Variants in LONP1 observed in about 807,000 individuals in gnomAD.
LONP1 encodes the protein lon protease homolog, mitochondrial.
Under a neutral mutation model 98.5 loss-of-function variants are expected in LONP1, and 31 were observed. That is an observed-to-expected ratio of 0.31 (90% CI 0.24 to 0.42). The LOEUF is 0.42. Among genes scored for constraint, LONP1 ranks in the 20% least tolerant of loss-of-function variants. The pLI is 1.00. For synonymous variants in LONP1, 781 were observed against 594.7 expected (o/e 1.31, Z -4.56); for missense variants, 1,336 against 1,350.6 (o/e 0.99, Z 0.17).
At chr19:5,695,813 G>T (rs1352460117) in intron 13 of LONP1, among the ~76,000 whole-genome samples, 1 of 152,178 alleles carries the variant, frequency 6.6e-6, no homozygotes, top group Non-Finnish European at 1.5e-5. Flanking sequence ...CAGAGTGTGT[G>T]GCCTGACGGT....
At chr19:5,719,569 G>A (rs1331628439) in intron 1 of LONP1, 135 bp downstream of exon 1, 17 of 1,498,368 alleles carry the variant, frequency 1.1e-5, no homozygotes, top group South Asian at 7.8e-5. Flanking sequence ...AGCAGACAAG[G>A]ATTCGAACTG....
At chr19:5,694,325 C>T in intron 15 of LONP1, 62 bp downstream of exon 15, 1 of 1,594,170 alleles carries the variant, frequency 6.3e-7, no homozygotes. Flanking sequence ...CAAGGTGGGA[C>T]CTGCTTGTTC....
intron 4 of LONP1, 134 bp from the exon 5 acceptor site, chr19:5,708,537 A>G (rs1034462259): frequency 7.9e-6 from 3 of 380,652 alleles, no homozygotes; most frequent in Non-Finnish European, 1.5e-5. Flanking sequence ...GGCCCTGGCC[A>G]CGGACGGCCT....
At chr19:5,706,071 C>A (rs2055140821) in intron 7 of LONP1, 79 bp from the exon 8 acceptor site, 1 of 880,238 alleles carries the variant, frequency 1.1e-6, no homozygotes, top group African/African-American at 1.6e-5. Flanking sequence ...GAAGGGGGAC[C>A]CTCTGCTCCC....
intron 8 of LONP1, 46 bp downstream of exon 8, chr19:5,705,726 A>AGG: frequency 1.3e-6 from 2 of 1,570,754 alleles, no homozygotes; most frequent in Non-Finnish European, 1.7e-6. Flanking sequence ...ATGGGGGCTG[A>AGG]GGAGGGGTCA....
intron 15 of LONP1, 129 bp from the exon 16 acceptor site, chr19:5,693,898 G>A: frequency 1.3e-5 from 10 of 762,536 alleles, no homozygotes; most frequent in Non-Finnish European, 2.1e-5. Flanking sequence ...GCAGGGGTTG[G>A]TGTCCCATCG....
At chr19:5,716,481 C>A (rs1278290940) in intron 1 of LONP1, among the ~76,000 whole-genome samples, 1 of 150,490 alleles carries the variant, frequency 6.6e-6, no homozygotes, top group Non-Finnish European at 1.5e-5. Context: ...CCTTTGAGAG[C>A]CAGTGTTTTG....
At position 5,695,462 on chromosome 19, in the gene LONP1, G is replaced by C. The variant is rs796641377; in HGVS notation, c.2014-561C>G. ...CCAGTCCTGTCCCCAGGAACTACAG[G>C]CCCGTCCCTTGGAGAAGTCAGGCTG... On this transcript the variant is annotated intron_variant, in intron 13 of 17. Coordinates refer to ENST00000360614, the MANE Select transcript of LONP1 (RefSeq NM_004793.4). Among the ~76,000 whole-genome samples the C allele has an allele frequency of 3.3e-5, 5 of 152,288 alleles. 1 individual carries two copies. The highest frequency in any genetic ancestry group is 1.2e-4 in the African/African-American group (5 of 41,568).
chr19:5,691,936 G>A lies in LONP1; in HGVS notation c.*96C>T, dbSNP rs934514687. 4 of 1,030,578 alleles carry A rather than the reference G, an allele frequency of 3.9e-6. No homozygotes were observed. Among genetic ancestry groups the A allele is most frequent in the Non-Finnish European group, 5.5e-6 (4 of 730,814 alleles). 63.8% of individuals were successfully genotyped at this position (1,030,578 alleles called of 1,614,324 possible). On this transcript the variant is annotated 3_prime_UTR_variant, in exon 18 of 18. Transcript: ENST00000360614. ...GTCACTGGACCGAGCTGCTCGCTCGGTGGCTCCACTGCCAGGTCCGGGCGC... is the reference window on the plus strand; with the variant it reads ...GTCACTGGACCGAGCTGCTCGCTCGATGGCTCCACTGCCAGGTCCGGGCGC...
intron 11 of LONP1, 67 bp downstream of exon 11, chr19:5,696,603 A>C: frequency 6.8e-7 from 1 of 1,476,238 alleles, no homozygotes; most frequent in East Asian, 2.3e-5. Flanking sequence ...TAGGACCCGG[A>C]AGGCTCGGCT....
chr19:5,697,531 G>GGGGGAAGAGGGAGGAGAT (rs2054959251), intron 10 of LONP1, among the ~76,000 whole-genome samples: 1 of 141,066 alleles, frequency 7.1e-6, no homozygotes, highest in Non-Finnish European at 1.5e-5. Context: ...AGGGAGGAGA[G>GGGGGAAGAGGGAGGAGAT]GGGGAAGAGG....
intron 17 of LONP1, among the ~76,000 whole-genome samples, chr19:5,692,990 T>C (rs1287072451): frequency 1.3e-5 from 2 of 151,812 alleles, no homozygotes; most frequent in African/African-American, 4.8e-5. Context: ...CCACCAGTAA[T>C]CCTAAACGTC....
chr19:5,704,263 G>C (rs1057151790), intron 8 of LONP1, among the ~76,000 whole-genome samples: 3 of 152,214 alleles, frequency 2.0e-5, no homozygotes, highest in Non-Finnish European at 4.4e-5. Flanking sequence ...CCTCTGGGAG[G>C]GACGGGCCCG....
intron 4 of LONP1, 50 bp from the exon 5 acceptor site, chr19:5,708,453 G>T: frequency 2.3e-6 from 3 of 1,296,280 alleles, no homozygotes; most frequent in South Asian, 1.2e-5. Context: ...CTCCAGCAGG[G>T]GGTGGGCTGG....
intron 10 of LONP1, among the ~76,000 whole-genome samples, 185 bp downstream of exon 10, chr19:5,698,842 C>T (rs1195500163): frequency 6.6e-6 from 1 of 152,238 alleles, no homozygotes; most frequent in African/African-American, 2.4e-5. Flanking sequence ...GCTGTTTGAG[C>T]ACCTGGAATC....
chr19:5,713,274 G>A, intron 2 of LONP1, 21 bp from the exon 3 acceptor site: 1 of 1,611,954 alleles, frequency 6.2e-7, no homozygotes, highest in Non-Finnish European at 8.5e-7. Flanking sequence ...AGAGCACAGA[G>A]GAATGTTGGA....
intron 14 of LONP1, 45 bp downstream of exon 14, chr19:5,694,716 G>T: frequency 6.3e-7 from 1 of 1,574,940 alleles, no homozygotes; most frequent in Non-Finnish European, 8.7e-7. Flanking sequence ...AGCGTGGGAT[G>T]GTGAGGTGGG....
intron 17 of LONP1, 125 bp from the exon 18 acceptor site, chr19:5,692,333 A>C: frequency 1.0e-6 from 1 of 952,904 alleles, no homozygotes; most frequent in Non-Finnish European, 1.5e-6. Flanking sequence ...TCTAAGCAGT[A>C]AGTCCCAAAA....
At chr19:5,707,599 G>C in intron 6 of LONP1, 98 bp downstream of exon 6, 3 of 1,314,036 alleles carry the variant, frequency 2.3e-6, no homozygotes, top group Non-Finnish European at 3.2e-6. Context: ...CAGGCATGGG[G>C]GAGCTGAGGA....
Sources: allele counts gnomAD v4.1 joint callset (sites outside exome capture counted in the v4.1 genomes callset), GRCh38; gene constraint gnomAD v4.1.1; transcripts MANE v1.5; gene names NCBI Gene and HGNC (gene_info 2026-07-23, HGNC 2026-07-21).